MTA3: variants seen among roughly 807,000 people sequenced by gnomAD.
MTA3 encodes metastasis associated 1 family member 3, also known as metastasis-associated protein MTA3.
Under a neutral mutation model 83.5 loss-of-function variants are expected in MTA3, and 34 were observed. That is an observed-to-expected ratio of 0.41 (90% CI 0.31 to 0.54). The LOEUF is 0.54. MTA3 is among the 20% of genes least tolerant of loss of function. MTA3 has a pLI of 0.33. For synonymous variants in MTA3, 303 were observed against 252.7 expected, an observed-to-expected ratio of 1.20 and a Z score of -1.89; for missense variants, 761 against 726.4, an observed-to-expected ratio of 1.05 and a Z score of -0.55.
rs549995607 is a variant in MTA3, at chr2:42,735,513, G to C, written c.1759+12478G>C. Among the ~76,000 whole-genome samples, 20 of 152,156 alleles carry C rather than the reference G, an allele frequency of 1.3e-4. No individual in the cohort carries two copies. The South Asian group carries it at 3.9e-3, about 30-fold the overall frequency. ...CTTAAATATTGATATCTTTCTCTAGGTTTGAGAAGTTTTCTGTTATCCCTT... is the reference window on the plus strand; with the variant it reads ...CTTAAATATTGATATCTTTCTCTAGCTTTGAGAAGTTTTCTGTTATCCCTT... On this transcript the variant is annotated intron_variant, in intron 16 of 16. Transcript: ENST00000405094.
At chr2:42,597,616 C>T (rs1681969485) in intron 3 of MTA3, among the ~76,000 whole-genome samples, 1 of 149,518 alleles carries the variant, frequency 6.7e-6, no homozygotes, top group Non-Finnish European at 1.5e-5. Flanking sequence ...AAACTCCTGA[C>T]CTTGTGATCT....
At chr2:42,564,169 G>T (rs1008424878), upstream of MTA3, among the ~76,000 whole-genome samples, 6 of 152,064 alleles carry the variant, frequency 3.9e-5, no homozygotes, top group Non-Finnish European at 7.4e-5. Flanking sequence ...GAAATAGTAG[G>T]GTCAGTTAGG....
At chr2:42,611,341 C>CACACACACACACACACACACA (rs1462110821) in intron 4 of MTA3, among the ~76,000 whole-genome samples, 6 of 149,514 alleles carry the variant, frequency 4.0e-5, no homozygotes, top group Admixed American at 6.7e-5. Context: ...ACACACACAC[C>CACACACACACACACACACACA]CCCTCACACA....
intron 2 of MTA3, among the ~76,000 whole-genome samples, chr2:42,514,124 A>C (rs1675026367): frequency 6.6e-6 from 1 of 152,128 alleles, no homozygotes; most frequent in Admixed American, 6.6e-5. Context: ...GAGGCAGGAG[A>C]ATCACTTGAA....
chr2:42,742,339 A>C (rs1053582237), intron 16 of MTA3, among the ~76,000 whole-genome samples: 2 of 152,000 alleles, frequency 1.3e-5, no homozygotes, highest in Non-Finnish European at 2.9e-5. Context: ...GCCTTTCACC[A>C]TGTTGGCCAG....
chr2:42,677,279 G>A (rs1437728429), intron 8 of MTA3, among the ~76,000 whole-genome samples: 1 of 152,146 alleles, frequency 6.6e-6, no homozygotes, highest in Non-Finnish European at 1.5e-5. Context: ...AATCATGGGG[G>A]CAGGTCTTTC....
At chr2:42,723,284 T>G in intron 16 of MTA3, 1 of 467,770 alleles carries the variant, frequency 2.1e-6, no homozygotes. Flanking sequence ...GAAATCTGTA[T>G]TTAGCAGATT....
intron 9 of MTA3, 104 bp downstream of exon 9, chr2:42,682,693 T>C (rs1692033984): frequency 1.9e-6 from 2 of 1,036,662 alleles, no homozygotes; most frequent in Admixed American, 4.8e-5. Context: ...TGTGAGTTAA[T>C]AGTTTTTATC....
chr2:42,526,267 G>A (rs1364041475), intron 2 of MTA3, among the ~76,000 whole-genome samples: 6 of 152,008 alleles, frequency 3.9e-5, no homozygotes, highest in Admixed American at 6.6e-5. Context: ...GTCTCACTAC[G>A]TTGCCCAAGC....
At chr2:42,709,156 C>T in intron 14 of MTA3, 60 bp downstream of exon 14, 1 of 1,508,296 alleles carries the variant, frequency 6.6e-7, no homozygotes, top group South Asian at 1.3e-5. Context: ...TTCTCTTTTC[C>T]TCTCTTTCCT....
chr2:42,725,965 T>C (rs773626516), intron 16 of MTA3, among the ~76,000 whole-genome samples: 4 of 152,204 alleles, frequency 2.6e-5, no homozygotes, highest in African/African-American at 7.2e-5. Context: ...ATTGGGATAA[T>C]GGGCCTGTTT....
intron 16 of MTA3, among the ~76,000 whole-genome samples, chr2:42,751,088 G>GT (rs750080395): frequency 7.9e-5 from 12 of 152,228 alleles, no homozygotes; most frequent in South Asian, 2.1e-4. Flanking sequence ...AAATTCTGTG[G>GT]TTTCTTCTCT....
intron 16 of MTA3, among the ~76,000 whole-genome samples, chr2:42,743,188 T>C (rs1033904718): frequency 6.6e-6 from 1 of 152,174 alleles, no homozygotes; most frequent in African/African-American, 2.4e-5. Context: ...TCCTGACCCT[T>C]AAGAAGATGC....
chr2:42,580,132 A>G (rs1679454715), intron 3 of MTA3, among the ~76,000 whole-genome samples: 1 of 151,916 alleles, frequency 6.6e-6, no homozygotes, highest in Non-Finnish European at 1.5e-5. Context: ...CGTGTTACAG[A>G]GATAGAGTCT....
intron 2 of MTA3, among the ~76,000 whole-genome samples, chr2:42,519,827 A>T (rs192310090): frequency 2.9e-3 from 428 of 149,836 alleles, no homozygotes; most frequent in Non-Finnish European, 5.1e-3. Flanking sequence ...AGGCAGGTGA[A>T]CTCCTGAGGT....
At chr2:42,555,654 G>T (rs1445519725) in intron 2 of MTA3, among the ~76,000 whole-genome samples, 1 of 151,688 alleles carries the variant, frequency 6.6e-6, no homozygotes, top group Non-Finnish European at 1.5e-5. Context: ...TGTAGTCCCA[G>T]CTACTTGGGA....
chr2:42,650,832 T>A (rs142749253), intron 6 of MTA3, among the ~76,000 whole-genome samples: 16 of 152,364 alleles, frequency 1.1e-4, no homozygotes, highest in Admixed American at 2.6e-4. Context: ...ATTTTAGAAC[T>A]ATTTAATTTG....
At chr2:42,536,334 G>A (rs991364457) in intron 2 of MTA3, among the ~76,000 whole-genome samples, 3 of 151,922 alleles carry the variant, frequency 2.0e-5, no homozygotes, top group African/African-American at 7.3e-5. Flanking sequence ...AATTAGCTGG[G>A]CCTGGTGGCA....
chr2:42,564,250 T>A (rs1427046286), upstream of MTA3, among the ~76,000 whole-genome samples: 2 of 152,246 alleles, frequency 1.3e-5, no homozygotes, highest in Non-Finnish European at 2.9e-5. Context: ...AAGGTAATGT[T>A]ACTAGAGAAG....
Sources: gnomAD v4.1 joint callset for allele counts (sites outside exome capture counted in the v4.1 genomes callset) on GRCh38, gnomAD v4.1.1 for gene constraint, MANE v1.5 for transcripts, NCBI Gene and HGNC (gene_info 2026-07-23, HGNC 2026-07-21) for gene names.